The following CSE1L variants were observed in gnomAD, a reference collection of about 807,000 sequenced individuals.
The protein encoded by CSE1L is chromosome segregation 1 like.
CSE1L carries 24 observed loss-of-function variants against 120.4 expected under a neutral mutation model. The observed-to-expected ratio is 0.20, with a 90% CI of 0.14 to 0.28. The LOEUF is 0.28. Ranked by LOEUF, CSE1L falls within the 10% of genes least tolerant of loss-of-function variation. The pLI, the probability that CSE1L is intolerant of heterozygous loss-of-function variation, is 1.00. For missense variants in CSE1L, 830 were observed against 1,145.2 expected (o/e 0.72, Z 3.97); for synonymous variants, 402 against 398.3 (o/e 1.01, Z -0.11).
chr20:49,082,661 G>A (rs2092022582), intron 14 of CSE1L, among the ~76,000 whole-genome samples: 1 of 152,094 alleles, frequency 6.6e-6, no homozygotes, highest in South Asian at 2.1e-4. Context: ...TGGGACTACA[G>A]GCTACCGCCA....
chr20:49,078,648 G>A (rs763407780), intron 14 of CSE1L, 26 bp downstream of exon 14: 19 of 1,464,556 alleles, frequency 1.3e-5, no homozygotes, highest in Middle Eastern at 1.8e-4. Flanking sequence ...TTTGTTACAC[G>A]CCACTTAATC....
At chr20:49,084,522 A>C (rs950154521) in intron 15 of CSE1L, among the ~76,000 whole-genome samples, 11 of 152,200 alleles carry the variant, frequency 7.2e-5, no homozygotes, top group African/African-American at 2.4e-4. Context: ...GGTCTATGAG[A>C]TAAAAGTTAA....
intron 6 of CSE1L, among the ~76,000 whole-genome samples, chr20:49,068,009 T>G (rs2091906806): frequency 6.9e-6 from 1 of 144,600 alleles, no homozygotes; most frequent in East Asian, 2.2e-4. Flanking sequence ...TTCAAGCAAT[T>G]CTCCGAGTAC....
In CSE1L at chr20:49,084,196, G is replaced by T. The variant is rs201663966; in HGVS notation, c.1619+34G>T. Reference sequence around the variant, plus strand: ...TTTATTCTAAAGTTTTTTAGCCTGGGGTAGGGGCTGTACTGTGCTGGTCAA... The same window carrying T: ...TTTATTCTAAAGTTTTTTAGCCTGGTGTAGGGGCTGTACTGTGCTGGTCAA... On this transcript the variant is annotated intron_variant, in intron 15 of 24. Coordinates refer to ENST00000262982, the MANE Select transcript of CSE1L (RefSeq NM_001316.4). The T allele has an allele frequency of 5.0e-6, 8 of 1,609,392 alleles. No individual in the cohort carries two copies. The East Asian group carries it at 6.7e-5, about 13-fold the overall frequency.
At chr20:49,086,697 G>A (rs1215215851) in intron 16 of CSE1L, among the ~76,000 whole-genome samples, 1 of 152,070 alleles carries the variant, frequency 6.6e-6, no homozygotes, top group Non-Finnish European at 1.5e-5. Flanking sequence ...CGGCTAACTA[G>A]TCTGTAATCT....
rs11483071 is a variant in CSE1L, at chr20:49,087,351, C to CTTTTTTT, written c.1724-646_1724-640dup. On this transcript the variant is annotated intron_variant, in intron 16 of 24. Coordinates refer to ENST00000262982, the MANE Select transcript of CSE1L (RefSeq NM_001316.4). ...CTGATGCTGGTTTCTTTTTCTTTTTCTTTTTTTTTTTTTTTTTTGAGAGAG... is the reference window on the plus strand; with the variant it reads ...CTGATGCTGGTTTCTTTTTCTTTTTCTTTTTTTTTTTTTTTTTTTTTTTTTGAGAGAG... 2.8e-3 allele frequency among the ~76,000 whole-genome samples: 323 copies of CTTTTTTT among 116,092 alleles called. 1 individual carries two copies. The highest frequency in any genetic ancestry group is 4.5e-3 in the Middle Eastern group (1 of 224). 76.2% of individuals were successfully genotyped at this position (116,092 alleles called of 152,430 possible).
At chr20:49,076,942 A>G in intron 12 of CSE1L, 38 bp from the exon 13 acceptor site, 2 of 1,350,508 alleles carry the variant, frequency 1.5e-6, no homozygotes, top group Non-Finnish European at 2.1e-6. Flanking sequence ...ATATACAGGT[A>G]TTTTGTTATT....
intron 22 of CSE1L, among the ~76,000 whole-genome samples, chr20:49,093,435 A>T (rs2092116003): frequency 6.6e-6 from 1 of 152,222 alleles, no homozygotes. Context: ...TATTTTAAAT[A>T]GCCATTAGCA....
At chr20:49,077,736 T>C (rs1278532354) in intron 13 of CSE1L, among the ~76,000 whole-genome samples, 3 of 152,164 alleles carry the variant, frequency 2.0e-5, no homozygotes, top group Non-Finnish European at 2.9e-5. Flanking sequence ...CCGGGTGCGG[T>C]GGCTCACACC....
chr20:49,064,720 T>C (rs73130177), intron 3 of CSE1L, among the ~76,000 whole-genome samples: 5,890 of 151,878 alleles, frequency 0.039, 135 homozygotes, highest in South Asian at 0.089. Flanking sequence ...CTTTTAAATC[T>C]CAGAATGTTT....
chr20:49,086,418 T>C (rs1475028567), intron 16 of CSE1L, among the ~76,000 whole-genome samples: 1 of 131,086 alleles, frequency 7.6e-6, no homozygotes, highest in East Asian at 2.2e-4. Context: ...CAGGCTGGAG[T>C]GCAATGGCAC....
chr20:49,075,277 T>G (rs761693335), intron 11 of CSE1L, 41 bp from the exon 12 acceptor site: 50 of 1,472,594 alleles, frequency 3.4e-5, no homozygotes, highest in Admixed American at 2.1e-4. Context: ...TGTTGGTGGT[T>G]GTTTTTTTTC....
rs1227720932 is a variant in CSE1L, at chr20:49,089,319, G to A, written c.1894G>A (p.Ala632Thr). ...ICLSIRITCK[A>T]NPAAVVNFEE... ...TTTATCCATAAGAATAACTTGCAAA[G>A]CTAACCCTGCTGCTGTTGTAAATTT... Residue 632 changes from alanine (A) to threonine (T), a missense_variant, in exon 18 of 25, where the codon GCT (alanine) becomes ACT (threonine). Coordinates refer to ENST00000262982, the MANE Select transcript of CSE1L (RefSeq NM_001316.4). The A allele has an allele frequency of 1.2e-6, 2 of 1,613,280 alleles. No individual in the cohort carries two copies.
In CSE1L at chr20:49,090,933, T is replaced by A; in HGVS notation, c.2280-4T>A. The A allele has an allele frequency of 6.2e-7, 1 of 1,603,026 alleles. No individual in the cohort carries two copies. The highest frequency in any genetic ancestry group is 2.2e-5 in the East Asian group (1 of 44,792). The stretch of plus-strand genomic sequence containing the variant: ...TATATTGTTGATTTTTTTTAATTCT[T>A]TAGTGAATCAGTTGACCAATATAGG... On this transcript the variant is annotated splice_polypyrimidine_tract_variant and splice_region_variant and intron_variant, in intron 20 of 24. Coordinates refer to ENST00000262982, the MANE Select transcript of CSE1L (RefSeq NM_001316.4).
At chr20:49,073,128 C>CA (rs2091944922) in intron 10 of CSE1L, among the ~76,000 whole-genome samples, 1 of 151,962 alleles carries the variant, frequency 6.6e-6, no homozygotes, top group African/African-American at 2.4e-5. Context: ...CCTCCTACCT[C>CA]AGTCTTCTGA....
intron 8 of CSE1L, 64 bp downstream of exon 8, chr20:49,070,361 C>A: frequency 1.3e-6 from 1 of 762,820 alleles, no homozygotes; most frequent in Non-Finnish European, 2.2e-6. Flanking sequence ...TGGCTACAGT[C>A]TGGAAACCTA....
At chr20:49,089,444 T>G (rs1339040169) in intron 18 of CSE1L, 47 bp downstream of exon 18, 1 of 1,606,400 alleles carries the variant, frequency 6.2e-7, no homozygotes, top group African/African-American at 1.3e-5. Context: ...AAAATTAACA[T>G]GGCTATAAAA....
intron 3 of CSE1L, among the ~76,000 whole-genome samples, chr20:49,063,730 C>A (rs960805817): frequency 6.6e-6 from 1 of 152,110 alleles, no homozygotes; most frequent in Non-Finnish European, 1.5e-5. Flanking sequence ...CTTTACTCAC[C>A]GCCTACTGAA....
At position 49,085,471 on chromosome 20, in the gene CSE1L, A is replaced by T. The variant is rs548698004; in HGVS notation, c.1723+85A>T. 84 of 869,366 alleles carry T rather than the reference A, an allele frequency of 9.7e-5. 2 individuals carry two copies. The South Asian group carries it at 1.1e-3, about 12-fold the overall frequency. 53.9% of individuals were successfully genotyped at this position (869,366 alleles called of 1,614,324 possible). The stretch of plus-strand genomic sequence containing the variant: ...CACTCTGAGTTATACTTCAGGTTAT[A>T]CAGTCTATGAACCAGATAATGTTTA... On this transcript the variant is annotated intron_variant, in intron 16 of 24. Transcript: ENST00000262982.
Sources: allele counts gnomAD v4.1 joint callset (sites outside exome capture counted in the v4.1 genomes callset), GRCh38; gene constraint gnomAD v4.1.1; transcripts MANE v1.5; gene names NCBI Gene and HGNC (gene_info 2026-07-23, HGNC 2026-07-21).